SNW1: variants seen among roughly 807,000 people sequenced by gnomAD.
SNW1 encodes the protein SNW domain-containing protein 1.
A neutral mutation model predicts 75.6 loss-of-function variants in SNW1; 9 were observed. The observed-to-expected ratio is 0.12, with a 90% CI of 0.07 to 0.21. SNW1 has a LOEUF of 0.21. SNW1 is among the 10% of genes least tolerant of loss of function. SNW1 has a pLI of 1.00. For missense variants in SNW1, 409 were observed against 670.9 expected (o/e 0.61, Z 4.31); for synonymous variants, 200 against 219.1 (o/e 0.91, Z 0.77).
In SNW1 at chr14:77,718,512, C is replaced by CA; in HGVS notation, c.1266dup (p.Ala423CysfsTer6). The CA allele has an allele frequency of 6.2e-7, 1 of 1,611,460 alleles. No individual in the cohort carries two copies. Among genetic ancestry groups the CA allele is most frequent in the Non-Finnish European group, 8.5e-7 (1 of 1,177,964 alleles). Reference sequence around the variant, plus strand: ...TTATAAATTTCATCTTCTCCACCTGCAAATCCACTGTCCATACCCTGTGGA... The same window carrying CA: ...TTATAAATTTCATCTTCTCCACCTGCAAAATCCACTGTCCATACCCTGTGGA... On this transcript the variant is annotated frameshift_variant, in exon 13 of 14. Transcript: ENST00000261531. LOFTEE classifies it high-confidence loss of function.
intron 3 of SNW1, among the ~76,000 whole-genome samples, chr14:77,741,873 A>G (rs191238099): frequency 6.6e-6 from 1 of 152,264 alleles, no homozygotes; most frequent in African/African-American, 2.4e-5. Flanking sequence ...AAGTGTCAAT[A>G]CTAATTTAGC....
At chr14:77,757,996 A>G (rs192137320) in intron 1 of SNW1, among the ~76,000 whole-genome samples, 1 of 146,570 alleles carries the variant, frequency 6.8e-6, no homozygotes, top group East Asian at 2.0e-4. Context: ...CAATCAATCA[A>G]TCACAATTTT....
intron 3 of SNW1, among the ~76,000 whole-genome samples, chr14:77,742,595 G>A (rs767915553): frequency 4.7e-4 from 71 of 152,204 alleles, no homozygotes; most frequent in South Asian, 8.3e-4. Context: ...GAAAGAAAAC[G>A]CTAATCTAGC....
chr14:77,755,183 CA>C, intron 1 of SNW1, 63 bp from the exon 2 acceptor site: 1 of 1,431,194 alleles, frequency 7.0e-7, no homozygotes, highest in Non-Finnish European at 9.5e-7. Context: ...TTGACCACTG[CA>C]ACTTGGCCAC....
At chr14:77,720,983 G>T in intron 11 of SNW1, 155 bp from the exon 12 acceptor site, 1 of 609,836 alleles carries the variant, frequency 1.6e-6, no homozygotes, top group Non-Finnish European at 2.9e-6. Flanking sequence ...AATCAAGCTG[G>T]CAGCCCTTAT....
At chr14:77,756,894 CA>C (rs2080845897) in intron 1 of SNW1, among the ~76,000 whole-genome samples, 1 of 151,966 alleles carries the variant, frequency 6.6e-6, no homozygotes, top group South Asian at 2.1e-4. Context: ...AAACAAACAA[CA>C]ACAAAAAAAC....
At chr14:77,750,863 CAAAT>C (rs1259513748) in intron 3 of SNW1, among the ~76,000 whole-genome samples, 13 of 152,088 alleles carry the variant, frequency 8.5e-5, no homozygotes, top group East Asian at 1.9e-4. Context: ...TTATTATACT[CAAAT>C]AAACTATTAA....
chr14:77,758,509 T>G (rs1382882513), intron 1 of SNW1, among the ~76,000 whole-genome samples: 2 of 152,114 alleles, frequency 1.3e-5, no homozygotes, highest in Non-Finnish European at 2.9e-5. Flanking sequence ...GTTACCTCTC[T>G]CTAGAGCTGT....
chr14:77,751,661 T>C (rs1319879318), intron 2 of SNW1, among the ~76,000 whole-genome samples, 181 bp from the exon 3 acceptor site: 1 of 152,128 alleles, frequency 6.6e-6, no homozygotes, highest in Non-Finnish European at 1.5e-5. Flanking sequence ...ACACATTCTT[T>C]GGCTTGTGAT....
chr14:77,760,680 A>C (rs1192777707), intron 1 of SNW1: 1 of 702,208 alleles, frequency 1.4e-6, no homozygotes, highest in East Asian at 2.7e-5. Context: ...CACCCAGTGG[A>C]CAGCGAAAGG....
At chr14:77,758,188 G>T (rs902357984) in intron 1 of SNW1, among the ~76,000 whole-genome samples, 22 of 151,848 alleles carry the variant, frequency 1.4e-4, no homozygotes, top group East Asian at 5.8e-4. Flanking sequence ...AAATTAGCCG[G>T]GCGTGGTGGC....
intron 5 of SNW1, among the ~76,000 whole-genome samples, chr14:77,737,324 C>G (rs2080681013): frequency 6.6e-6 from 1 of 151,952 alleles, no homozygotes; most frequent in Admixed American, 6.6e-5. Flanking sequence ...TGTTTTCCAA[C>G]ATGGAAGGTG....
At chr14:77,745,037 TC>T (rs1485263998) in intron 3 of SNW1, among the ~76,000 whole-genome samples, 1 of 152,192 alleles carries the variant, frequency 6.6e-6, no homozygotes, top group Non-Finnish European at 1.5e-5. Flanking sequence ...GCCTTATGTG[TC>T]AAACTTTCAG....
At chr14:77,721,864 C>T (rs915644359) in intron 11 of SNW1, among the ~76,000 whole-genome samples, 2 of 152,156 alleles carry the variant, frequency 1.3e-5, no homozygotes, top group Admixed American at 6.5e-5. Flanking sequence ...TCTCCCACTT[C>T]GGCCTCTCGA....
chr14:77,722,759 A>G, intron 11 of SNW1: 1 of 379,288 alleles, frequency 2.6e-6, no homozygotes, highest in Non-Finnish European at 5.1e-6. Context: ...AGAAAGGGAG[A>G]GAAGCAAAAC....
At chr14:77,726,948 T>G (rs561160311) in intron 10 of SNW1, among the ~76,000 whole-genome samples, 2 of 152,344 alleles carry the variant, frequency 1.3e-5, no homozygotes, top group East Asian at 3.9e-4. Context: ...TTTTGTATCT[T>G]GTAATGTTAC....
intron 11 of SNW1, chr14:77,722,396 G>A (rs1259489585): frequency 2.7e-6 from 1 of 369,616 alleles, no homozygotes; most frequent in Non-Finnish European, 5.4e-6. Flanking sequence ...CTAAAAATGA[G>A]CTGATTTTCT....
At chr14:77,725,120 C>T (rs1349842282) in intron 10 of SNW1, among the ~76,000 whole-genome samples, 2 of 152,174 alleles carry the variant, frequency 1.3e-5, no homozygotes, top group South Asian at 2.1e-4. Context: ...TTTTTTCATA[C>T]ACCTGTTGGC....
chr14:77,732,693 C>T, intron 8 of SNW1, 92 bp from the exon 9 acceptor site: 1 of 752,752 alleles, frequency 1.3e-6, no homozygotes, highest in Non-Finnish European at 2.2e-6. Flanking sequence ...GAGCTGGAGT[C>T]TTGCTCTGTC....
Sources: allele counts gnomAD v4.1 joint callset (sites outside exome capture counted in the v4.1 genomes callset), GRCh38; gene constraint gnomAD v4.1.1; transcripts MANE v1.5; gene names NCBI Gene and HGNC (gene_info 2026-07-23, HGNC 2026-07-21).